The following FBXO10 variants were observed in gnomAD, a reference collection of about 807,000 sequenced individuals.
The protein encoded by FBXO10 is F-box only protein 10.
A neutral mutation model predicts 80.7 loss-of-function variants in FBXO10; 39 were observed. The observed-to-expected ratio is 0.48, with a 90% CI of 0.37 to 0.63. The LOEUF is 0.63. Among genes scored for constraint, FBXO10 ranks in the 30% least tolerant of loss-of-function variants. The pLI is 0.00. For missense variants in FBXO10, 1,025 were observed against 1,269.0 expected (o/e 0.81, Z 2.92); for synonymous variants, 449 against 489.6 (o/e 0.92, Z 1.09).
chr9:37,548,974 T>C (rs1422961626), intron 1 of FBXO10, among the ~76,000 whole-genome samples: 6 of 152,236 alleles, frequency 3.9e-5, no homozygotes, highest in Non-Finnish European at 1.5e-5. Context: ...GGTCTCAATC[T>C]CCTGACCTCA....
chr9:37,547,619 A>G (rs2119146108), intron 1 of FBXO10, among the ~76,000 whole-genome samples: 1 of 152,182 alleles, frequency 6.6e-6, no homozygotes, highest in East Asian at 1.9e-4. Flanking sequence ...CTCAAAAAAC[A>G]AAACAAAACA....
At chr9:37,545,653 G>T (rs1822038017) in intron 1 of FBXO10, among the ~76,000 whole-genome samples, 1 of 152,100 alleles carries the variant, frequency 6.6e-6, no homozygotes, top group African/African-American at 2.4e-5. Context: ...ATTCTCTTTT[G>T]GGCATTTCTA....
At chr9:37,553,751 CAA>C (rs34248221) in intron 1 of FBXO10, among the ~76,000 whole-genome samples, 8,003 of 139,720 alleles carry the variant, frequency 0.057, 442 homozygotes, top group African/African-American at 0.14. Flanking sequence ...ACTAAAAATA[CAA>C]AAAAAAAAAA....
chr9:37,573,255 C>T (rs188120580), intron 1 of FBXO10, among the ~76,000 whole-genome samples: 76 of 152,226 alleles, frequency 5.0e-4, no homozygotes, highest in Non-Finnish European at 9.3e-4. Flanking sequence ...ATGACCATGA[C>T]CAAGGTTGCT....
At chr9:37,544,217 C>T (rs749353666) in intron 1 of FBXO10, among the ~76,000 whole-genome samples, 5 of 152,042 alleles carry the variant, frequency 3.3e-5, no homozygotes, top group African/African-American at 7.2e-5. Context: ...TGCAGTGAGC[C>T]GAGATCGTGC....
In FBXO10 at chr9:37,537,101, T is replaced by A; in HGVS notation, c.1419+9A>T. The stretch of plus-strand genomic sequence containing the variant: ...GAGCCCCCTGACCAATCTAAAGTCA[T>A]GACAGCACCTTGCTATTATGTATAC... On this transcript the variant is annotated intron_variant, in intron 3 of 10. Transcript: ENST00000432825. 1 of 1,590,230 alleles carries A rather than the reference T, an allele frequency of 6.3e-7. No homozygotes were observed. Among genetic ancestry groups the A allele is most frequent in the Non-Finnish European group, 8.6e-7 (1 of 1,163,674 alleles).
At chr9:37,517,165 G>A (rs926520448) in intron 9 of FBXO10, among the ~76,000 whole-genome samples, 5 of 152,022 alleles carry the variant, frequency 3.3e-5, no homozygotes, top group Non-Finnish European at 5.9e-5. Context: ...TGCTAATGAC[G>A]AAGAAAAGGC....
At chr9:37,525,065 G>C in intron 6 of FBXO10, 37 bp downstream of exon 6, 2 of 1,541,662 alleles carry the variant, frequency 1.3e-6, no homozygotes, top group Non-Finnish European at 1.8e-6. Context: ...GGGGACCTTG[G>C]CCTGGCTGCC....
intron 3 of FBXO10, among the ~76,000 whole-genome samples, chr9:37,534,118 C>T (rs1486083445): frequency 6.6e-6 from 1 of 151,926 alleles, no homozygotes; most frequent in Non-Finnish European, 1.5e-5. Context: ...TATAAAAAAT[C>T]TGGAATGTTT....
intron 6 of FBXO10, among the ~76,000 whole-genome samples, chr9:37,524,599 G>A (rs947671966): frequency 3.9e-5 from 6 of 152,150 alleles, no homozygotes; most frequent in African/African-American, 1.4e-4. Context: ...CTTTATAACA[G>A]AGGAGACGGA....
chr9:37,574,469 C>T (rs1822844524), intron 1 of FBXO10, among the ~76,000 whole-genome samples: 1 of 152,190 alleles, frequency 6.6e-6, no homozygotes, highest in Admixed American at 6.5e-5. Flanking sequence ...GAAGGCGGCT[C>T]TTCTCAGAAA....
intron 1 of FBXO10, among the ~76,000 whole-genome samples, chr9:37,547,076 G>A (rs1189904479): frequency 6.6e-6 from 1 of 152,144 alleles, no homozygotes; most frequent in African/African-American, 2.4e-5. Flanking sequence ...ATTTATACAA[G>A]ATAAATGAAA....
intron 8 of FBXO10, among the ~76,000 whole-genome samples, chr9:37,519,431 G>A (rs963813547): frequency 1.3e-5 from 2 of 150,016 alleles, no homozygotes; most frequent in Non-Finnish European, 3.0e-5. Flanking sequence ...CAGACCCGGG[G>A]GCGAGGAGAG....
chr9:37,575,612 C>T (rs1474141254), intron 1 of FBXO10: 2 of 152,242 alleles, frequency 1.3e-5, no homozygotes, highest in Non-Finnish European at 2.9e-5. Flanking sequence ...TAACTGACTC[C>T]AGAGTTCTGG....
rs765487086 is a variant in FBXO10, at chr9:37,521,766, T to C, written c.2003A>G (p.Asn668Ser). The C allele has an allele frequency of 2.5e-6, 4 of 1,612,252 alleles. No homozygotes were observed. The highest frequency in any genetic ancestry group is 3.4e-6 in the Non-Finnish European group (4 of 1,179,604). ...AAATACTGCCACTCCATACAGGCCA[T>C]TGTAGCTGACGTGGTTGCTGGTGAC... ...PHVTSNHVSYNGLYGVAVFSQ... is the reference protein window; with the variant it reads ...PHVTSNHVSYSGLYGVAVFSQ... Residue 668 changes from asparagine to serine, a missense_variant, in exon 8 of 11, where the codon AAT becomes AGT. Physicochemically the swap from Asn to Ser is conservative, Grantham distance 46. This residue lies in a region of FBXO10 where 478 missense variants were observed against 667.8 expected (regional missense o/e 0.72). Transcript: ENST00000432825.
At chr9:37,545,708 A>C (rs1294853848) in intron 1 of FBXO10, among the ~76,000 whole-genome samples, 1 of 152,264 alleles carries the variant, frequency 6.6e-6, no homozygotes, top group Non-Finnish European at 1.5e-5. Context: ...CATGTCCAAA[A>C]TGGAACTCTG....
At chr9:37,526,820 ATTTT>A (rs776159732) in intron 5 of FBXO10, among the ~76,000 whole-genome samples, 135 of 127,182 alleles carry the variant, frequency 1.1e-3, no homozygotes, top group Non-Finnish European at 1.8e-3. Context: ...TTTTTAAAAT[ATTTT>A]ATTTATTTAT....
chr9:37,546,571 A>C (rs149967645), intron 1 of FBXO10, among the ~76,000 whole-genome samples: 1 of 152,318 alleles, frequency 6.6e-6, no homozygotes. Context: ...AATATTAATA[A>C]ATCGGTATTA....
At position 37,541,721 on chromosome 9, in the gene FBXO10, G is replaced by C; in HGVS notation, c.48C>G (p.Ala16=). The C allele has an allele frequency of 2.5e-6, 4 of 1,612,678 alleles. No homozygotes were observed. The highest frequency in any genetic ancestry group is 3.4e-6 in the Non-Finnish European group (4 of 1,179,158). The change falls in exon 2 of 11, where the codon GCC becomes GCG. Residue 16 remains alanine, a synonymous_variant. Coordinates refer to ENST00000432825, the MANE Select transcript of FBXO10 (RefSeq NM_012166.3). ...GGCCCAGGTCGGGAAGGTGCAAGTA[G>C]GCTAAGATCATGCGCCACAGCTCCA... The part of the protein sequence containing the change: ...LPLELWRMIL[A]YLHLPDLGRC...
Sources: gnomAD v4.1 joint callset for allele counts (sites outside exome capture counted in the v4.1 genomes callset) on GRCh38, gnomAD v4.1.1 for gene constraint, gnomAD v4.1.1 regional missense constraint, MANE v1.5 for transcripts, NCBI Gene and HGNC (gene_info 2026-07-23, HGNC 2026-07-21) for gene names.